KRT23: variants seen among roughly 807,000 people sequenced by gnomAD.
KRT23 encodes the protein keratin, type I cytoskeletal 23.
A neutral mutation model predicts 47.6 loss-of-function variants in KRT23; 38 were observed. The observed-to-expected ratio is 0.80, with a 90% CI of 0.62 to 1.05. The LOEUF (loss-of-function observed/expected upper bound fraction) is 1.05, where lower values mean the gene tolerates loss of function less well. KRT23 is among the 50% of genes least tolerant of loss of function. The pLI, the probability that KRT23 is intolerant of heterozygous loss-of-function variation, is 0.00. For missense variants in KRT23, 503 were observed against 529.5 expected, an observed-to-expected ratio of 0.95 and a Z score of 0.49; for synonymous variants, 191 against 199.0, an observed-to-expected ratio of 0.96 and a Z score of 0.34.
At position 40,936,827 on chromosome 17, in the gene KRT23, C is replaced by A; in HGVS notation, c.-224G>T. 1 of 413,906 alleles carries A rather than the reference C, an allele frequency of 2.4e-6. No individual in the cohort carries two copies. 25.6% of individuals were successfully genotyped at this position (413,906 alleles called of 1,614,324 possible). A position where few individuals can be genotyped will look rare whatever the true frequency, so the allele number is the denominator to read the frequency against. Reference sequence around the variant, plus strand: ...CGCACACTGTTGTTGTTTAGAGCCACATCAATATGACAGTTTGCTTCCTCC... The same window carrying A: ...CGCACACTGTTGTTGTTTAGAGCCAAATCAATATGACAGTTTGCTTCCTCC... On this transcript the variant is annotated 5_prime_UTR_variant, in exon 2 of 9. It removes an upstream start codon present in the reference 5' UTR. Coordinates refer to ENST00000209718, the MANE Select transcript of KRT23 (RefSeq NM_015515.5).
chr17:40,928,086 T>G (rs1909342461), intron 6 of KRT23, 152 bp downstream of exon 6: 6 of 951,218 alleles, frequency 6.3e-6, no homozygotes, highest in Admixed American at 2.0e-5. Context: ...TGGTAGCCCT[T>G]TATTATGGTT....
chr17:40,927,765 C>T (rs1190821644), intron 6 of KRT23, among the ~76,000 whole-genome samples: 1 of 152,166 alleles, frequency 6.6e-6, no homozygotes, highest in African/African-American at 2.4e-5. Context: ...CTGCCACCTA[C>T]CATGTTGGCA....
chr17:40,935,111 GTTTT>G (rs61234380), intron 2 of KRT23, among the ~76,000 whole-genome samples: 2 of 137,198 alleles, frequency 1.5e-5, no homozygotes, highest in African/African-American at 2.6e-5. Flanking sequence ...GAGTCACCTT[GTTTT>G]TTTTTTTTTT....
intron 3 of KRT23, 127 bp from the exon 4 acceptor site, chr17:40,930,223 G>T: frequency 2.5e-6 from 2 of 784,508 alleles, no homozygotes; most frequent in Non-Finnish European, 2.0e-6. Flanking sequence ...AATACATATA[G>T]GATGTCTTTT....
intron 3 of KRT23, among the ~76,000 whole-genome samples, chr17:40,930,477 A>G (rs1286034263): frequency 6.6e-6 from 1 of 152,182 alleles, no homozygotes; most frequent in Non-Finnish European, 1.5e-5. Flanking sequence ...ATATTTTAAA[A>G]TAAACAGGCC....
intron 6 of KRT23, 39 bp from the exon 7 acceptor site, chr17:40,925,613 C>T (rs779887575): frequency 6.9e-7 from 1 of 1,447,778 alleles, no homozygotes; most frequent in East Asian, 2.3e-5. Flanking sequence ...TAACTGATGG[C>T]TTGATTGAGT....
At chr17:40,929,874 C>G in intron 4 of KRT23, 66 bp downstream of exon 4, 2 of 1,454,970 alleles carry the variant, frequency 1.4e-6, no homozygotes, top group Non-Finnish European at 1.9e-6. Context: ...CTGTAGCTGT[C>G]GAATCAGCCT....
chr17:40,926,352 C>T (rs544325246), intron 6 of KRT23, among the ~76,000 whole-genome samples: 27 of 152,304 alleles, frequency 1.8e-4, no homozygotes, highest in Admixed American at 1.4e-3. Context: ...TGCTGCCTGG[C>T]GGTTAAAGCA....
At chr17:40,934,723 C>T (rs1022184290) in intron 2 of KRT23, among the ~76,000 whole-genome samples, 3 of 152,212 alleles carry the variant, frequency 2.0e-5, no homozygotes, top group Non-Finnish European at 4.4e-5. Context: ...ACCTCTGCTT[C>T]TTGCTGATGG....
At chr17:40,925,648 T>C in intron 6 of KRT23, 74 bp from the exon 7 acceptor site, 1 of 1,139,018 alleles carries the variant, frequency 8.8e-7, no homozygotes, top group Non-Finnish European at 1.3e-6. Flanking sequence ...TGTTGAGTAC[T>C]TAGCAGATGT....
chr17:40,932,788 T>C (rs148532199), intron 2 of KRT23, among the ~76,000 whole-genome samples: 160 of 152,358 alleles, frequency 1.1e-3, no homozygotes, highest in African/African-American at 3.7e-3. Context: ...AAAGCTCCAC[T>C]GATCCCATGG....
intron 2 of KRT23, among the ~76,000 whole-genome samples, chr17:40,933,413 C>T (rs554506910): frequency 6.6e-6 from 1 of 152,334 alleles, no homozygotes; most frequent in South Asian, 2.1e-4. Flanking sequence ...TAAGCTCCTG[C>T]AAAATGAAAA....
At chr17:40,934,153 C>T (rs577668416) in intron 2 of KRT23, among the ~76,000 whole-genome samples, 2 of 152,152 alleles carry the variant, frequency 1.3e-5, no homozygotes, top group Non-Finnish European at 2.9e-5. Context: ...ACTGTATCCA[C>T]TCAGAGCATT....
At chr17:40,930,229 C>A in intron 3 of KRT23, 133 bp from the exon 4 acceptor site, 1 of 711,026 alleles carries the variant, frequency 1.4e-6, no homozygotes, top group East Asian at 2.6e-5. Context: ...TATAGGATGT[C>A]TTTTTTATGC....
chr17:40,928,552 G>A lies in KRT23; in HGVS notation c.692C>T (p.Thr231Ile), dbSNP rs201505756. ...CTTAATCAGATCTTCCCTGGGACCT[G>A]TATCCACCTTCACATTGACATTGAA... is the stretch of plus-strand genomic sequence containing the variant. ...SDFNVNVKVDTGPREDLIKVL... is the reference protein window; with the variant it reads ...SDFNVNVKVDIGPREDLIKVL... The change falls in exon 5 of 9, where the codon ACA becomes ATA. Residue 231 changes from threonine (T) to isoleucine (I), a missense_variant. By Grantham distance (89) the Thr-to-Ile change is moderately conservative. Coordinates refer to ENST00000209718, the MANE Select transcript of KRT23 (RefSeq NM_015515.5). 6.8e-6 allele frequency: 11 copies of A among 1,613,686 alleles called. No individual in the cohort carries two copies. The highest frequency in any genetic ancestry group is 5.0e-5 in the Admixed American group (3 of 59,986).
At position 40,929,930 on chromosome 17, in the gene KRT23, G is replaced by T. The variant is rs200616956; in HGVS notation, c.636+10C>A. The T allele has an allele frequency of 3.2e-5, 52 of 1,612,930 alleles. No homozygotes were observed. In the East Asian group the frequency reaches 1.1e-3, roughly 35 times the overall value. On this transcript the variant is annotated intron_variant, in intron 4 of 8. Coordinates refer to ENST00000209718, the MANE Select transcript of KRT23 (RefSeq NM_015515.5). ...TGTGCTTATTAGCAGGTGTTCCTGG[G>T]GAGTTGTACCTGCTCATGGTGCTTC...
At position 40,925,427 on chromosome 17, in the gene KRT23, G is replaced by A. The variant is rs775365161; in HGVS notation, c.1069C>T (p.Leu357=). 2 of 1,614,098 alleles carry A rather than the reference G, an allele frequency of 1.2e-6. No homozygotes were observed. The highest frequency in any genetic ancestry group is 2.2e-5 in the East Asian group (1 of 44,876). The change falls in exon 7 of 9, where the codon CTG becomes TTG. Residue 357 remains leucine (L), a synonymous_variant. Transcript: ENST00000209718. Reference sequence around the variant, plus strand: ...TCCAGGTGGGTTTTGATGCCCAGCAGCACTTGGTATTCATTGTTCTGCCGC... The same window carrying A: ...TCCAGGTGGGTTTTGATGCCCAGCAACACTTGGTATTCATTGTTCTGCCGC... The part of the protein sequence containing the change: ...LERQNNEYQV[L]LGIKTHLEKE...
rs750178302 is a variant in KRT23 at position 40,922,707 on chromosome 17, C to T, written c.*282G>A. ...AAAAAAAGACACGATGCAGCTAGTG[C>T]GGAGTTTTATTGGCTACAAAATAGA... On this transcript the variant is annotated 3_prime_UTR_variant, in exon 9 of 9. Coordinates refer to ENST00000209718, the MANE Select transcript of KRT23 (RefSeq NM_015515.5). The T allele has an allele frequency of 3.5e-5, 10 of 281,918 alleles. No individual in the cohort carries two copies. Among genetic ancestry groups the T allele is most frequent in the South Asian group, 2.8e-4 (5 of 17,900 alleles). 17.5% of individuals were successfully genotyped at this position (281,918 alleles called of 1,614,324 possible). A position where few individuals can be genotyped will look rare whatever the true frequency, so the allele number is the denominator to read the frequency against.
At position 40,931,401 on chromosome 17, in the gene KRT23, TG is replaced by T. The variant is rs1217621360; in HGVS notation, c.450del (p.Arg151GlyfsTer32). 1.2e-6 allele frequency: 2 copies of T among 1,613,568 alleles called. No individual in the cohort carries two copies. The highest frequency in any genetic ancestry group is 1.7e-6 in the Non-Finnish European group (2 of 1,179,404). Reference protein sequence around the residue: ...NAQIILLIDNARMAVDDFNLK... With the variant: ...NAQIILLIDNXRMAVDDFNLK... ...AGGTTGAAGTCATCCACTGCCATCCTGGCATTGTCAATGAGAAGAATAATCT... is the reference window on the plus strand; with the variant it reads ...AGGTTGAAGTCATCCACTGCCATCCTGCATTGTCAATGAGAAGAATAATCT... On this transcript the variant is annotated frameshift_variant, in exon 3 of 9. Coordinates refer to ENST00000209718, the MANE Select transcript of KRT23 (RefSeq NM_015515.5). LOFTEE classifies it high-confidence loss of function.
Sources: gnomAD v4.1 joint callset for allele counts (sites outside exome capture counted in the v4.1 genomes callset) on GRCh38, gnomAD v4.1.1 for gene constraint, MANE v1.5 for transcripts, NCBI Gene and HGNC (gene_info 2026-07-23, HGNC 2026-07-21) for gene names.